Variants in AKAP19 observed in about 807,000 individuals in gnomAD.
The protein encoded by AKAP19 is A-kinase anchoring protein 19, also known as small A-kinase anchoring protein.
At chr2:189,939,308 G>A in the AKAP19 span, among the ~76,000 whole-genome samples, 1 of 152,076 alleles carries the variant, frequency 6.6e-6, no homozygotes, top group African/African-American at 2.4e-5. Context: ...TCTCCTGCAG[G>A]ACCTTCCCAA....
chr2:190,060,532 T>G, the AKAP19 span: 1 of 1,024,944 alleles, frequency 9.8e-7, no homozygotes, highest in Non-Finnish European at 1.4e-6. Flanking sequence ...ATTAAGATAA[T>G]GTATGCCTAT....
chr2:190,070,486 A>C, the AKAP19 span, among the ~76,000 whole-genome samples: 3 of 151,972 alleles, frequency 2.0e-5, no homozygotes, highest in Admixed American at 6.6e-5. Flanking sequence ...ATTTAGCATG[A>C]ACATTCTGGC....
the AKAP19 span, among the ~76,000 whole-genome samples, chr2:189,975,762 C>T: frequency 6.6e-6 from 1 of 152,162 alleles, no homozygotes; most frequent in African/African-American, 2.4e-5. Flanking sequence ...CCCTTTCTTC[C>T]AGTTGATCGA....
At chr2:189,998,527 AG>A in the AKAP19 span, among the ~76,000 whole-genome samples, 3 of 152,180 alleles carry the variant, frequency 2.0e-5, no homozygotes, top group Admixed American at 2.0e-4. Context: ...ATTTCATAAA[AG>A]TTGTCTAACT....
chr2:190,196,653 AAATG>A, the AKAP19 span, among the ~76,000 whole-genome samples: 1 of 151,870 alleles, frequency 6.6e-6, no homozygotes, highest in African/African-American at 2.4e-5. Flanking sequence ...ATCTTCCTTT[AAATG>A]GTATTGTTTT....
chr2:190,009,893 A>T, the AKAP19 span, among the ~76,000 whole-genome samples: 1 of 152,214 alleles, frequency 6.6e-6, no homozygotes, highest in Non-Finnish European at 1.5e-5. Context: ...AGAGAAAAAA[A>T]AAAAGCAAAA....
the AKAP19 span, among the ~76,000 whole-genome samples, chr2:190,187,682 G>A: frequency 1.3e-5 from 2 of 152,020 alleles, no homozygotes; most frequent in Admixed American, 6.6e-5. Context: ...CAATATGGCT[G>A]TCTCTACAAA....
At chr2:190,117,352 T>C in the AKAP19 span, among the ~76,000 whole-genome samples, 3 of 152,236 alleles carry the variant, frequency 2.0e-5, no homozygotes, top group East Asian at 5.8e-4. Context: ...TCCTATAATG[T>C]TATTGTGAAA....
chr2:190,060,084 G>C, the AKAP19 span: 1 of 1,612,300 alleles, frequency 6.2e-7, no homozygotes, highest in Non-Finnish European at 8.5e-7. Flanking sequence ...TCCTGGTCCT[G>C]GGAAGGTTAC....
the AKAP19 span, among the ~76,000 whole-genome samples, chr2:190,065,849 T>C: frequency 6.6e-6 from 1 of 152,122 alleles, no homozygotes; most frequent in Non-Finnish European, 1.5e-5. Flanking sequence ...CTGAAGAAAT[T>C]TAAGTAAGTT....
At chr2:189,930,120 C>G in the AKAP19 span, among the ~76,000 whole-genome samples, 4 of 152,084 alleles carry the variant, frequency 2.6e-5, no homozygotes, top group East Asian at 7.7e-4. Context: ...ATGTACTTTC[C>G]CCCAACATCT....
the AKAP19 span, among the ~76,000 whole-genome samples, chr2:189,914,686 C>A: frequency 1.3e-5 from 2 of 151,954 alleles, no homozygotes; most frequent in Non-Finnish European, 2.9e-5. Context: ...TATATGTATT[C>A]TTAAGCTTGA....
At chr2:190,194,658 T>C in the AKAP19 span, among the ~76,000 whole-genome samples, 1 of 152,206 alleles carries the variant, frequency 6.6e-6, no homozygotes, top group Non-Finnish European at 1.5e-5. Flanking sequence ...AATAGTTTCA[T>C]TGCCTTAAAA....
chr2:190,118,803 G>A, the AKAP19 span, among the ~76,000 whole-genome samples: 25 of 152,272 alleles, frequency 1.6e-4, no homozygotes, highest in Admixed American at 1.4e-3. Flanking sequence ...TTTGAAAACA[G>A]GCACAAGACA....
At chr2:190,155,139 C>A in the AKAP19 span, among the ~76,000 whole-genome samples, 2 of 152,126 alleles carry the variant, frequency 1.3e-5, no homozygotes, top group African/African-American at 2.4e-5. Flanking sequence ...TTCTCTCCCC[C>A]CTTCCCCTCT....
At chr2:190,038,709 G>A in the AKAP19 span, among the ~76,000 whole-genome samples, 39 of 152,300 alleles carry the variant, frequency 2.6e-4, no homozygotes, top group African/African-American at 8.2e-4. Flanking sequence ...ACTAGGTGGT[G>A]CTTTTTCTCC....
At chr2:190,062,133 G>T in the AKAP19 span, 1 of 1,438,694 alleles carries the variant, frequency 7.0e-7, no homozygotes, top group Non-Finnish European at 9.7e-7. Context: ...CCAACAGCTT[G>T]TTTAAAAGAG....
the AKAP19 span, among the ~76,000 whole-genome samples, chr2:190,029,180 G>A: frequency 2.6e-3 from 389 of 152,098 alleles, 6 homozygotes; most frequent in Admixed American, 0.022. Flanking sequence ...AGCCTCCTGA[G>A]TAGCTGGGAT....
the AKAP19 span, among the ~76,000 whole-genome samples, chr2:189,881,118 A>AT: frequency 6.6e-6 from 1 of 152,146 alleles, no homozygotes; most frequent in Non-Finnish European, 1.5e-5. Flanking sequence ...AAAAAAACAA[A>AT]TTTTACTGCA....
Sources: allele counts gnomAD v4.1 joint callset (sites outside exome capture counted in the v4.1 genomes callset), GRCh38; gene constraint gnomAD v4.1.1; transcripts MANE v1.5; gene names NCBI Gene and HGNC (gene_info 2026-07-23, HGNC 2026-07-21).